CMTM8: variants seen among roughly 807,000 people sequenced by gnomAD.
The protein encoded by CMTM8 is CKLF like MARVEL transmembrane domain containing 8.
In CMTM8, 12 loss-of-function variants were observed where a neutral mutation model predicts 18.6. The observed-to-expected ratio is 0.65, with a 90% CI of 0.41 to 1.05. The LOEUF (loss-of-function observed/expected upper bound fraction) is 1.05, where lower values mean the gene tolerates loss of function less well. CMTM8 is among the 50% of genes least tolerant of loss of function. The pLI is 0.00. For missense variants in CMTM8, 217 were observed against 227.2 expected, an observed-to-expected ratio of 0.95 and a Z score of 0.29; for synonymous variants, 87 against 90.6, an observed-to-expected ratio of 0.96 and a Z score of 0.23.
At position 32,334,115 on chromosome 3, in the gene CMTM8, A is replaced by G. The variant is rs866380823; in HGVS notation, c.148-23258A>G. Among the ~76,000 whole-genome samples, 7 of 151,770 alleles carry G rather than the reference A, an allele frequency of 4.6e-5. No homozygotes were observed. The South Asian group carries it at 1.3e-3, about 27-fold the overall frequency. ...TGCCTAAGCCTCCGGAGTAGCTGGG[A>G]TTACAGGCACGCACCACCATGCCCA... On this transcript the variant is annotated intron_variant, in intron 1 of 3. Transcript: ENST00000307526.
chr3:32,355,582 C>G lies in CMTM8; in HGVS notation c.148-1791C>G, dbSNP rs1314647897. Among the ~76,000 whole-genome samples, 3 of 152,126 alleles carry G rather than the reference C, an allele frequency of 2.0e-5. No homozygotes were observed. In the East Asian group the frequency reaches 5.8e-4, roughly 29 times the overall value. On this transcript the variant is annotated intron_variant, in intron 1 of 3. Transcript: ENST00000307526. ...AAATTTGTCTCCACACCACTGCTCC[C>G]CCTTTCCCCTCCACATGTCCATTCT... is the stretch of plus-strand genomic sequence containing the variant.
chr3:32,238,629 C>T (rs1325810112), upstream of CMTM8: 1 of 153,974 alleles, frequency 6.5e-6, no homozygotes, highest in Non-Finnish European at 1.4e-5. Context: ...GGCGGTCCCT[C>T]TCCTGCCCGC....
chr3:32,295,521 G>A (rs1702863946), intron 1 of CMTM8, among the ~76,000 whole-genome samples: 1 of 146,704 alleles, frequency 6.8e-6, no homozygotes, highest in Admixed American at 7.1e-5. Context: ...TCTTTGTGGA[G>A]CTTGCATTCA....
At chr3:32,355,692 A>G (rs916512046) in intron 1 of CMTM8, among the ~76,000 whole-genome samples, 2 of 152,166 alleles carry the variant, frequency 1.3e-5, no homozygotes, top group African/African-American at 4.8e-5. Flanking sequence ...TGCCCTTCGG[A>G]TAAAGCACAA....
chr3:32,278,684 G>C (rs1177261881), intron 1 of CMTM8, among the ~76,000 whole-genome samples: 1 of 152,108 alleles, frequency 6.6e-6, no homozygotes, highest in Non-Finnish European at 1.5e-5. Flanking sequence ...AGTTATCTCT[G>C]TTAACCATCC....
chr3:32,356,949 C>T (rs1259468724), intron 1 of CMTM8, among the ~76,000 whole-genome samples: 1 of 152,104 alleles, frequency 6.6e-6, no homozygotes. Flanking sequence ...TTAAGAGAAC[C>T]CCCTAAAACA....
intron 1 of CMTM8, chr3:32,258,910 C>T (rs138695053): frequency 1.8e-5 from 5 of 280,774 alleles, no homozygotes; most frequent in East Asian, 9.8e-5. Flanking sequence ...TCTGTCCCCT[C>T]GCTTCCCCAC....
chr3:32,303,628 C>T (rs1018126622), intron 1 of CMTM8, among the ~76,000 whole-genome samples: 1 of 152,128 alleles, frequency 6.6e-6, no homozygotes, highest in African/African-American at 2.4e-5. Flanking sequence ...CCCCCCTCCC[C>T]CTCCCAACTG....
chr3:32,288,257 G>C (rs1304089983), intron 1 of CMTM8, among the ~76,000 whole-genome samples: 1 of 152,106 alleles, frequency 6.6e-6, no homozygotes, highest in Non-Finnish European at 1.5e-5. Flanking sequence ...TTTCATATAT[G>C]AGAGTAAGTA....
intron 1 of CMTM8, among the ~76,000 whole-genome samples, chr3:32,352,220 A>AAAAAAAAAAAAAAG (rs1696724582): frequency 2.8e-5 from 1 of 35,508 alleles, no homozygotes; most frequent in African/African-American, 5.8e-5. Context: ...AAAAAAAAAG[A>AAAAAAAAAAAAAAG]AAAAAAACTA....
chr3:32,274,972 A>T (rs1702493633), intron 1 of CMTM8, among the ~76,000 whole-genome samples: 1 of 152,170 alleles, frequency 6.6e-6, no homozygotes, highest in Admixed American at 6.6e-5. Context: ...TTGGGATGTC[A>T]GTGTATATTG....
intron 1 of CMTM8, among the ~76,000 whole-genome samples, chr3:32,298,398 T>A (rs1695527258): frequency 6.6e-6 from 1 of 151,824 alleles, no homozygotes; most frequent in African/African-American, 2.4e-5. Flanking sequence ...ATATAAATAT[T>A]TGAGGATCTA....
chr3:32,352,109 C>T (rs558673716), intron 1 of CMTM8, among the ~76,000 whole-genome samples: 89 of 143,450 alleles, frequency 6.2e-4, no homozygotes, highest in African/African-American at 1.7e-3. Context: ...ACCCGGGAGG[C>T]GGAGGTTGCA....
In CMTM8 at chr3:32,367,933, C is replaced by T. The variant is rs889984974; in HGVS notation, c.383C>T (p.Ser128Phe). The change falls in exon 3 of 4, where the codon TCT becomes TTT. Residue 128 changes from serine (S) to phenylalanine (F), a missense_variant. Transcript: ENST00000307526. ...LYLSAAVVDASSVSPERDSHN... is the reference protein window; with the variant it reads ...LYLSAAVVDAFSVSPERDSHN... ...CTCTCTGCCGCTGTTGTAGATGCAT[C>T]TTCCGTCTCCCCTGAGAGGGACAGT... 1.9e-6 allele frequency: 3 copies of T among 1,614,172 alleles called. No homozygotes were observed. The African/African-American group carries it at 4.0e-5, about 22-fold the overall frequency.
At chr3:32,352,406 G>C (rs1321808937) in intron 1 of CMTM8, among the ~76,000 whole-genome samples, 1 of 152,166 alleles carries the variant, frequency 6.6e-6, no homozygotes, top group African/African-American at 2.4e-5. Context: ...CATCACCTGA[G>C]AACTTGTTAG....
chr3:32,367,779 C>G, intron 2 of CMTM8, 93 bp from the exon 3 acceptor site: 2 of 818,016 alleles, frequency 2.4e-6, no homozygotes, highest in Non-Finnish European at 2.0e-6. Flanking sequence ...GGGCCCCTCC[C>G]CACACCAGAG....
At chr3:32,239,170 C>T in intron 1 of CMTM8, 51 bp downstream of exon 1, 1 of 1,541,524 alleles carries the variant, frequency 6.5e-7, no homozygotes, top group South Asian at 1.2e-5. Context: ...GACCCCGGCG[C>T]GTGCTTCCGC....
At chr3:32,307,919 C>T (rs1177172777) in intron 1 of CMTM8, among the ~76,000 whole-genome samples, 1 of 152,170 alleles carries the variant, frequency 6.6e-6, no homozygotes, top group Non-Finnish European at 1.5e-5. Context: ...AGGCCATGTT[C>T]AAGGAGTGGG....
intron 1 of CMTM8, among the ~76,000 whole-genome samples, chr3:32,272,093 T>C (rs1390434747): frequency 1.3e-5 from 2 of 152,330 alleles, no homozygotes; most frequent in African/African-American, 2.4e-5. Flanking sequence ...ATACAAGTTA[T>C]AGAATTCTAA....
Sources: allele counts gnomAD v4.1 joint callset (sites outside exome capture counted in the v4.1 genomes callset), GRCh38; gene constraint gnomAD v4.1.1; transcripts MANE v1.5; gene names NCBI Gene and HGNC (gene_info 2026-07-23, HGNC 2026-07-21).